Variants in LDB2 observed in about 807,000 individuals in gnomAD.
LDB2 encodes the protein LIM domain binding 2, also known as LIM domain-binding protein 2.
In LDB2, 12 loss-of-function variants were observed where a neutral mutation model predicts 44.3. The observed-to-expected ratio is 0.27, with a 90% CI of 0.17 to 0.44. The LOEUF is 0.44. LDB2 is among the 20% of genes least tolerant of loss of function. LDB2 has a pLI of 1.00. For missense variants in LDB2, 344 were observed against 473.5 expected (o/e 0.73, Z 2.54); for synonymous variants, 164 against 174.8 (o/e 0.94, Z 0.49).
intron 5 of LDB2, among the ~76,000 whole-genome samples, chr4:16,567,255 T>C (rs1221589851): frequency 6.6e-6 from 1 of 152,154 alleles, no homozygotes; most frequent in Non-Finnish European, 1.5e-5. Flanking sequence ...ATCAATAAAA[T>C]ACAGGCAAAA....
chr4:16,685,850 ACCAG>A (rs1240902734), intron 2 of LDB2, among the ~76,000 whole-genome samples: 1 of 152,132 alleles, frequency 6.6e-6, no homozygotes, highest in African/African-American at 2.4e-5. Context: ...GGAGTTCGCA[ACCAG>A]CCTAGCCAAC....
chr4:16,566,205 A>T (rs1446092537), intron 5 of LDB2, among the ~76,000 whole-genome samples: 1 of 152,148 alleles, frequency 6.6e-6, no homozygotes, highest in Non-Finnish European at 1.5e-5. Flanking sequence ...ATGAAAAAAA[A>T]GTCACAAGGA....
At chr4:16,829,132 C>T (rs974810407) in intron 1 of LDB2, among the ~76,000 whole-genome samples, 5 of 152,172 alleles carry the variant, frequency 3.3e-5, no homozygotes, top group African/African-American at 4.8e-5. Flanking sequence ...GTAAGTTCTT[C>T]TCTGGAGAAA....
At chr4:16,772,124 C>G (rs895699674) in intron 1 of LDB2, among the ~76,000 whole-genome samples, 3 of 152,146 alleles carry the variant, frequency 2.0e-5, no homozygotes, top group African/African-American at 7.2e-5. Context: ...CAGTGGATGC[C>G]TTTCCTCTCT....
At chr4:16,516,887 G>A (rs371505278) in intron 5 of LDB2, among the ~76,000 whole-genome samples, 5 of 152,244 alleles carry the variant, frequency 3.3e-5, no homozygotes, top group Middle Eastern at 3.4e-3. Context: ...TGGAGAGTCC[G>A]GGGCTGGAGA....
chr4:16,655,183 A>C (rs1435322717), intron 2 of LDB2, among the ~76,000 whole-genome samples: 3 of 152,196 alleles, frequency 2.0e-5, no homozygotes, highest in Admixed American at 6.5e-5. Context: ...ATGTGGAAGC[A>C]CCGCATTAAT....
At chr4:16,783,951 T>G (rs1227379700) in intron 1 of LDB2, among the ~76,000 whole-genome samples, 1 of 152,216 alleles carries the variant, frequency 6.6e-6, no homozygotes, top group African/African-American at 2.4e-5. Flanking sequence ...GTAATTCCCT[T>G]TATTACTGAA....
At chr4:16,828,428 T>C (rs1416872832) in intron 1 of LDB2, among the ~76,000 whole-genome samples, 1 of 152,176 alleles carries the variant, frequency 6.6e-6, no homozygotes, top group African/African-American at 2.4e-5. Context: ...CTTTTCTGGA[T>C]ACCTCTAGTT....
In LDB2 at chr4:16,709,733, A is replaced by G. The variant is rs1016377888; in HGVS notation, c.235+49425T>C. Among the ~76,000 whole-genome samples the G allele has an allele frequency of 3.3e-5, 5 of 152,324 alleles. No homozygotes were observed. The South Asian group carries it at 6.2e-4, about 19-fold the overall frequency. ...GATTTCAACTTCTACTGAATTGGAG[A>G]ATTCAGAAGAATTTTCAATTTCTTC... On this transcript the variant is annotated intron_variant, in intron 2 of 7. Coordinates refer to ENST00000304523, the MANE Select transcript of LDB2 (RefSeq NM_001290.5).
At chr4:16,807,094 T>A (rs114910799) in intron 1 of LDB2, among the ~76,000 whole-genome samples, 2,661 of 152,288 alleles carry the variant, frequency 0.017, 89 homozygotes, top group African/African-American at 0.06. Context: ...CTCTTACATG[T>A]GTTTGTGGCC....
At chr4:16,503,444 C>T (rs1357256362) in intron 7 of LDB2, among the ~76,000 whole-genome samples, 3 of 152,226 alleles carry the variant, frequency 2.0e-5, no homozygotes, top group African/African-American at 7.2e-5. Context: ...CCCTTTTATG[C>T]AGCCAATATC....
At chr4:16,503,218 G>T in intron 7 of LDB2, 1 of 1,356,626 alleles carries the variant, frequency 7.4e-7, no homozygotes, top group Non-Finnish European at 1.0e-6. Flanking sequence ...AGAGGGCTGT[G>T]GAACCTTCTG....
At chr4:16,684,196 C>A (rs563845106) in intron 2 of LDB2, among the ~76,000 whole-genome samples, 1 of 152,336 alleles carries the variant, frequency 6.6e-6, no homozygotes, top group South Asian at 2.1e-4. Flanking sequence ...ACTTTTACAT[C>A]AGCAACTAAT....
chr4:16,668,779 G>T (rs1743986143), intron 2 of LDB2, among the ~76,000 whole-genome samples: 1 of 152,172 alleles, frequency 6.6e-6, no homozygotes, highest in Non-Finnish European at 1.5e-5. Flanking sequence ...GCAGTTAGAT[G>T]CAAAGAGAGT....
intron 2 of LDB2, among the ~76,000 whole-genome samples, chr4:16,723,857 C>T (rs932496995): frequency 6.6e-6 from 1 of 152,086 alleles, no homozygotes; most frequent in Non-Finnish European, 1.5e-5. Context: ...AATCAACACC[C>T]TCCACTCCCA....
At chr4:16,683,879 G>A (rs1748556946) in intron 2 of LDB2, among the ~76,000 whole-genome samples, 1 of 152,176 alleles carries the variant, frequency 6.6e-6, no homozygotes, top group Non-Finnish European at 1.5e-5. Context: ...CACCTGCAGA[G>A]CCTCTAATCC....
intron 5 of LDB2, among the ~76,000 whole-genome samples, chr4:16,524,119 T>G (rs960365557): frequency 6.6e-6 from 1 of 152,212 alleles, no homozygotes; most frequent in African/African-American, 2.4e-5. Flanking sequence ...GACCAGATCT[T>G]GCTTTATCCA....
intron 1 of LDB2, among the ~76,000 whole-genome samples, chr4:16,818,715 A>G (rs965393463): frequency 6.6e-6 from 1 of 152,212 alleles, no homozygotes; most frequent in African/African-American, 2.4e-5. Context: ...AATCTACCCA[A>G]TGAAGCACCT....
intron 3 of LDB2, among the ~76,000 whole-genome samples, chr4:16,589,546 G>C (rs1169458209): frequency 6.6e-6 from 1 of 152,118 alleles, no homozygotes; most frequent in African/African-American, 2.4e-5. Flanking sequence ...CCTTGATAGA[G>C]TAATCAGTGA....
Sources: allele counts gnomAD v4.1 joint callset (sites outside exome capture counted in the v4.1 genomes callset), GRCh38; gene constraint gnomAD v4.1.1; transcripts MANE v1.5; gene names NCBI Gene and HGNC (gene_info 2026-07-23, HGNC 2026-07-21).